NSUN7: variants seen among roughly 807,000 people sequenced by gnomAD.
NSUN7 encodes protein NSUN7.
A neutral mutation model predicts 58.5 loss-of-function variants in NSUN7; 39 were observed. That is an observed-to-expected ratio of 0.67 (90% confidence interval 0.52 to 0.87). The LOEUF is 0.87. Ranked by LOEUF, NSUN7 falls within the 40% of genes least tolerant of loss-of-function variation. The pLI, the probability that NSUN7 is intolerant of heterozygous loss-of-function variation, is 0.00. For synonymous variants in NSUN7, 278 were observed against 303.7 expected (o/e 0.92, Z 0.88); for missense variants, 765 against 844.1 (o/e 0.91, Z 1.16).
At chr4:40,756,741 T>A (rs73144620) in intron 2 of NSUN7, among the ~76,000 whole-genome samples, 1 of 152,148 alleles carries the variant, frequency 6.6e-6, no homozygotes, top group Non-Finnish European at 1.5e-5. Context: ...TGAATTAATA[T>A]ATGAAATGCA....
At chr4:40,805,559 G>A (rs567507790) in intron 10 of NSUN7, among the ~76,000 whole-genome samples, 1 of 152,252 alleles carries the variant, frequency 6.6e-6, no homozygotes, top group African/African-American at 2.4e-5. Context: ...TAACTAACGT[G>A]GGACCTATCC....
At chr4:40,787,696 A>T (rs1329335780) in intron 7 of NSUN7, among the ~76,000 whole-genome samples, 1 of 152,236 alleles carries the variant, frequency 6.6e-6, no homozygotes, top group African/African-American at 2.4e-5. Context: ...AAAAGTTTTT[A>T]AAAATTTTAT....
intron 5 of NSUN7, 24 bp from the exon 6 acceptor site, chr4:40,774,743 C>G (rs755263104): frequency 7.3e-7 from 1 of 1,369,030 alleles, no homozygotes; most frequent in Non-Finnish European, 1.0e-6. Context: ...TTTGTAATTA[C>G]AAGCTAATGT....
At chr4:40,782,547 CA>C (rs78502337) in intron 7 of NSUN7, among the ~76,000 whole-genome samples, 43,574 of 118,346 alleles carry the variant, frequency 0.37, 6,608 homozygotes, top group Admixed American at 0.51. Context: ...CACCCTGTCT[CA>C]AAAAAAAAAA....
Position 40,808,600 on chromosome 4 carries a change from C to T in NSUN7, c.1818C>T (p.Pro606=). The part of the protein sequence containing the change: ...QVGASSQTRK[P]NKLAPHPAVP... Reference sequence around the variant, plus strand: ...GGGCTTCCTCACAGACCAGAAAACCCAACAAGCTGGCCCCCCATCCTGCAG... The same window carrying T: ...GGGCTTCCTCACAGACCAGAAAACCTAACAAGCTGGCCCCCCATCCTGCAG... The change falls in exon 12 of 12, where the codon CCC becomes CCT. Residue 606 remains proline (P), a synonymous_variant. Transcript: ENST00000381782. 6.4e-7 allele frequency: 1 copy of T among 1,551,706 alleles called. No individual in the cohort carries two copies. Among genetic ancestry groups the T allele is most frequent in the Non-Finnish European group, 8.7e-7 (1 of 1,147,000 alleles).
chr4:40,763,579 G>C (rs559991278), intron 4 of NSUN7, among the ~76,000 whole-genome samples: 109 of 152,284 alleles, frequency 7.2e-4, no homozygotes, highest in African/African-American at 2.4e-3. Flanking sequence ...CTCTAACCAA[G>C]TAAGAAAGAT....
At chr4:40,801,901 C>CAAAAAAAAAAAAA (rs56868885) in intron 10 of NSUN7, among the ~76,000 whole-genome samples, 9 of 107,378 alleles carry the variant, frequency 8.4e-5, no homozygotes, top group African/African-American at 1.6e-4. Context: ...GACTCTGTCT[C>CAAAAAAAAAAAAA]AAAAAAAAAA....
chr4:40,796,192 A>G (rs1743319319), intron 9 of NSUN7, among the ~76,000 whole-genome samples: 1 of 152,178 alleles, frequency 6.6e-6, no homozygotes, highest in Non-Finnish European at 1.5e-5. Flanking sequence ...CATCTCTACT[A>G]AAAATACAAA....
At chr4:40,781,545 C>T (rs1034970822) in intron 7 of NSUN7, among the ~76,000 whole-genome samples, 13 of 152,104 alleles carry the variant, frequency 8.5e-5, no homozygotes, top group Non-Finnish European at 1.6e-4. Flanking sequence ...CTCCTGGGCC[C>T]CATCGATACT....
Position 40,798,896 on chromosome 4 carries a change from A to G in NSUN7, c.1392A>G (p.Gln464=), listed in dbSNP as rs1308985432. 12 of 1,549,000 alleles carry G rather than the reference A, an allele frequency of 7.7e-6. No homozygotes were observed. Among genetic ancestry groups the G allele is most frequent in the African/African-American group, 1.4e-5 (1 of 73,426 alleles). ...TTCAAGACCTTGGGAATAAAGGACA[A>G]CCTTACAGGTAAGAAAAGGAAGGAT... ...LEFQDLGNKG[Q]PYRLSPPVLP... The change falls in exon 10 of 12, where the codon CAA becomes CAG. Residue 464 remains glutamine, a synonymous_variant. Coordinates refer to ENST00000381782, the MANE Select transcript of NSUN7 (RefSeq NM_024677.6).
rs180963701 is a variant in NSUN7 at position 40,765,737 on chromosome 4, G to T, written c.488+4436G>T. On this transcript the variant is annotated intron_variant, in intron 4 of 11. Transcript: ENST00000381782. ...AGCATGGAATGTTCTTCCATTTCTT[G>T]GTATCCTCTTTTATTTCATTGAGCA... is the stretch of plus-strand genomic sequence containing the variant. Among the ~76,000 whole-genome samples, 1,510 of 152,018 alleles carry T rather than the reference G, an allele frequency of 9.9e-3. 12 individuals are homozygous for T. Among genetic ancestry groups the T allele is most frequent in the Non-Finnish European group, 0.014 (981 of 67,916 alleles).
At chr4:40,752,611 G>A (rs981986082) in intron 2 of NSUN7, among the ~76,000 whole-genome samples, 1 of 151,924 alleles carries the variant, frequency 6.6e-6, no homozygotes, top group Non-Finnish European at 1.5e-5. Context: ...TAGTAGAGAC[G>A]GGGTTTCACG....
intron 10 of NSUN7, among the ~76,000 whole-genome samples, chr4:40,803,369 T>C (rs905425212): frequency 1.3e-5 from 2 of 152,216 alleles, no homozygotes; most frequent in African/African-American, 4.8e-5. Flanking sequence ...CACACTGACT[T>C]CCACAATGGT....
chr4:40,786,784 T>C (rs1265570736), intron 7 of NSUN7: 1 of 1,433,202 alleles, frequency 7.0e-7, no homozygotes, highest in Non-Finnish European at 9.4e-7. Flanking sequence ...GAAGAGTGTC[T>C]ACAGCGTGGT....
rs755900230 is a variant in NSUN7 at position 40,760,520 on chromosome 4, C to A, written c.357+28C>A. 2.7e-5 allele frequency: 41 copies of A among 1,504,482 alleles called. 1 individual carries two copies. The Middle Eastern group carries it at 5.2e-4, about 19-fold the overall frequency. 93.2% of individuals were successfully genotyped at this position (1,504,482 alleles called of 1,614,324 possible). A position where few individuals can be genotyped will look rare whatever the true frequency, so the allele number is the denominator to read the frequency against. On this transcript the variant is annotated intron_variant, in intron 3 of 11. Transcript: ENST00000381782. ...AAGTAGATAAGTTTTAGAATTACAT[C>A]GTTTCATGATTTTTTTTAAAAAAGA...
intron 4 of NSUN7, 30 bp from the exon 5 acceptor site, chr4:40,774,235 A>G (rs746303363): frequency 5.6e-6 from 9 of 1,605,596 alleles, no homozygotes; most frequent in South Asian, 3.3e-5. Flanking sequence ...CTCAAATGCA[A>G]TAGATTAAGG....
intron 4 of NSUN7, among the ~76,000 whole-genome samples, chr4:40,771,051 A>G (rs758493796): frequency 6.6e-6 from 1 of 152,214 alleles, no homozygotes; most frequent in African/African-American, 2.4e-5. Flanking sequence ...CTCTGCCTCA[A>G]AAAATAAAAA....
intron 7 of NSUN7, chr4:40,786,375 A>G: frequency 1.9e-6 from 3 of 1,611,934 alleles, no homozygotes; most frequent in Non-Finnish European, 8.5e-7. Flanking sequence ...TGTGGAAGTC[A>G]TATACCAGAT....
At chr4:40,751,113 A>G (rs945418298) in intron 2 of NSUN7, 122 bp downstream of exon 2, 10 of 1,055,356 alleles carry the variant, frequency 9.5e-6, no homozygotes, top group Non-Finnish European at 1.1e-5. Flanking sequence ...AGGCATGTGC[A>G]TATCTTTGGT....
Sources: allele counts gnomAD v4.1 joint callset (sites outside exome capture counted in the v4.1 genomes callset), GRCh38; gene constraint gnomAD v4.1.1; transcripts MANE v1.5; gene names NCBI Gene and HGNC (gene_info 2026-07-23, HGNC 2026-07-21).